RBM20: variants seen among roughly 807,000 people sequenced by gnomAD.
RBM20 encodes the protein RNA binding motif protein 20.
RBM20 carries 51 observed loss-of-function variants against 110.1 expected under a neutral mutation model. The observed-to-expected ratio is 0.46, with a 90% CI of 0.37 to 0.59. The LOEUF (loss-of-function observed/expected upper bound fraction) is 0.59. RBM20 is among the 20% of genes least tolerant of loss of function. The pLI is 0.00. For synonymous variants in RBM20, 589 were observed against 618.2 expected (o/e 0.95, Z 0.70); for missense variants, 1,512 against 1,574.9 (o/e 0.96, Z 0.68).
chr10:110,703,593 A>G (rs1258071448), intron 1 of RBM20, among the ~76,000 whole-genome samples: 1 of 152,180 alleles, frequency 6.6e-6, no homozygotes, highest in East Asian at 1.9e-4. Context: ...TTCCCATTTT[A>G]CTTCTACTCC....
chr10:110,777,468 G>A (rs11195320), intron 1 of RBM20, among the ~76,000 whole-genome samples: 49,083 of 152,100 alleles, frequency 0.32, 8,130 homozygotes, highest in East Asian at 0.45. Flanking sequence ...TTGGATGAAA[G>A]CAGGTGCTCA....
At chr10:110,823,451 T>TCTTTGTTTC in intron 11 of RBM20, 29 bp from the exon 12 acceptor site, 1 of 1,047,920 alleles carries the variant, frequency 9.5e-7, no homozygotes, top group Non-Finnish European at 1.2e-6. Context: ...TTTTTTTTTT[T>TCTTTGTTTC]TTTTTTTGCC....
At chr10:110,829,496 G>A (rs939250648) in intron 12 of RBM20, among the ~76,000 whole-genome samples, 8 of 152,206 alleles carry the variant, frequency 5.3e-5, no homozygotes, top group Non-Finnish European at 1.0e-4. Flanking sequence ...TGAGGAGGAC[G>A]CCTCAGGCCC....
At chr10:110,703,552 A>G (rs1317411829) in intron 1 of RBM20, among the ~76,000 whole-genome samples, 1 of 152,174 alleles carries the variant, frequency 6.6e-6, no homozygotes, top group African/African-American at 2.4e-5. Flanking sequence ...CATTGTTACA[A>G]TCTACCTCTC....
chr10:110,771,251 G>A (rs1468157371), intron 1 of RBM20, among the ~76,000 whole-genome samples: 1 of 151,774 alleles, frequency 6.6e-6, no homozygotes, highest in African/African-American at 2.4e-5. Context: ...TCAGCCTCCC[G>A]AGTAGGTGGG....
intron 1 of RBM20, among the ~76,000 whole-genome samples, chr10:110,775,658 C>T (rs559665828): frequency 3.3e-5 from 5 of 152,212 alleles, no homozygotes; most frequent in Non-Finnish European, 7.4e-5. Context: ...TGATAGTGAC[C>T]CTGTAGCTCC....
intron 5 of RBM20, among the ~76,000 whole-genome samples, chr10:110,791,847 C>T (rs747859735): frequency 3.3e-4 from 51 of 152,322 alleles, no homozygotes; most frequent in Admixed American, 7.2e-4. Flanking sequence ...CACACCCCTG[C>T]AACTTAGCTC....
In RBM20 at chr10:110,773,894, G is replaced by A. The variant is rs538821205; in HGVS notation, c.192-6907G>A. Among the ~76,000 whole-genome samples the A allele has an allele frequency of 6.6e-5, 10 of 152,284 alleles. No individual in the cohort carries two copies. The South Asian group carries it at 1.9e-3, about 28-fold the overall frequency. ...ACGTACGGAGCACAGTGGACTGAAA[G>A]CCCGGGGATCTGATACCAAACATGT... On this transcript the variant is annotated intron_variant, in intron 1 of 13. Coordinates refer to ENST00000369519, the MANE Select transcript of RBM20 (RefSeq NM_001134363.3).
At chr10:110,672,753 C>G (rs189981611) in intron 1 of RBM20, among the ~76,000 whole-genome samples, 1 of 152,304 alleles carries the variant, frequency 6.6e-6, no homozygotes, top group Non-Finnish European at 1.5e-5. Flanking sequence ...GTACCGTGGA[C>G]TTGTACTTGA....
intron 9 of RBM20, among the ~76,000 whole-genome samples, chr10:110,817,805 A>G (rs1844858398): frequency 6.6e-6 from 1 of 152,226 alleles, no homozygotes; most frequent in Admixed American, 6.5e-5. Flanking sequence ...AGCATGCACA[A>G]GGGCCTCCAG....
At chr10:110,724,831 C>G (rs1843544521) in intron 1 of RBM20, among the ~76,000 whole-genome samples, 1 of 152,180 alleles carries the variant, frequency 6.6e-6, no homozygotes, top group Non-Finnish European at 1.5e-5. Flanking sequence ...TACCAGGTTT[C>G]TTGAGGCAGT....
Position 110,799,923 on chromosome 10 carries a change from A to G in RBM20, c.1800+5A>G, listed in dbSNP as rs1244822555. 2 of 1,551,564 alleles carry G rather than the reference A, an allele frequency of 1.3e-6. No homozygotes were observed. Among genetic ancestry groups the G allele is most frequent in the Non-Finnish European group, 1.7e-6 (2 of 1,146,644 alleles). On this transcript the variant is annotated splice_donor_5th_base_variant and intron_variant, in intron 7 of 13. Transcript: ENST00000369519. The stretch of plus-strand genomic sequence containing the variant: ...TACAAGGAATTGCAGCTCAAGGTAA[A>G]GCATTATCTTGCTCATTCAGTCATT...
At chr10:110,803,286 G>T (rs1479627781) in intron 7 of RBM20, among the ~76,000 whole-genome samples, 3 of 152,140 alleles carry the variant, frequency 2.0e-5, no homozygotes, top group African/African-American at 7.2e-5. Flanking sequence ...GTGCTGTTTT[G>T]GTTTTGCACT....
intron 1 of RBM20, among the ~76,000 whole-genome samples, chr10:110,747,299 G>GT (rs1564833545): frequency 2.0e-5 from 3 of 150,738 alleles, no homozygotes; most frequent in African/African-American, 7.3e-5. Context: ...CTTTTTTTGG[G>GT]GGGGGGGGTC....
chr10:110,779,960 A>G (rs965254591), intron 1 of RBM20, among the ~76,000 whole-genome samples: 2 of 152,174 alleles, frequency 1.3e-5, no homozygotes, highest in Admixed American at 1.3e-4. Context: ...ATTAGAGCAT[A>G]TAGATTTTCT....
intron 1 of RBM20, among the ~76,000 whole-genome samples, chr10:110,742,622 T>C (rs1223422142): frequency 2.0e-5 from 3 of 152,212 alleles, no homozygotes; most frequent in African/African-American, 7.2e-5. Context: ...GAAGTTTCAC[T>C]TTCTCATAAC....
chr10:110,712,627 C>T (rs1450978062), intron 1 of RBM20, among the ~76,000 whole-genome samples: 1 of 152,122 alleles, frequency 6.6e-6, no homozygotes, highest in Non-Finnish European at 1.5e-5. Context: ...ATTAGCAGGG[C>T]GTGGCAGTGC....
At chr10:110,835,783 T>C in intron 13 of RBM20, 85 bp from the exon 14 acceptor site, 1 of 1,340,772 alleles carries the variant, frequency 7.5e-7, no homozygotes, top group East Asian at 2.6e-5. Context: ...AGGAGAGGGA[T>C]GATTGAGGCA....
chr10:110,777,587 C>A (rs1421598929), intron 1 of RBM20, among the ~76,000 whole-genome samples: 1 of 152,158 alleles, frequency 6.6e-6, no homozygotes, highest in African/African-American at 2.4e-5. Context: ...GGTTAGTTTT[C>A]TTATTTTTTG....
Sources: allele counts gnomAD v4.1 joint callset (sites outside exome capture counted in the v4.1 genomes callset), GRCh38; gene constraint gnomAD v4.1.1; transcripts MANE v1.5; gene names NCBI Gene and HGNC (gene_info 2026-07-23, HGNC 2026-07-21).